The following ALG8 variants were observed in gnomAD, a reference collection of about 807,000 sequenced individuals.
ALG8 encodes dolichyl pyrophosphate Glc1Man9GlcNAc2 alpha-1,3-glucosyltransferase.
Under a neutral mutation model 70.2 loss-of-function variants are expected in ALG8, and 48 were observed. The ratio of observed to expected loss-of-function variants is 0.68; its 90% confidence interval spans 0.54 to 0.87. The LOEUF is 0.87. ALG8 is among the 40% of genes least tolerant of loss of function. The pLI is 0.00. For synonymous variants in ALG8, 234 were observed against 229.0 expected (o/e 1.02, Z -0.20); for missense variants, 572 against 608.7 (o/e 0.94, Z 0.64).
chr11:78,115,934 G>A (rs1355657546), intron 5 of ALG8, among the ~76,000 whole-genome samples: 2 of 152,150 alleles, frequency 1.3e-5, no homozygotes, highest in African/African-American at 4.8e-5. Flanking sequence ...AGGATGCTAT[G>A]CTACCAAAAA....
intron 4 of ALG8, among the ~76,000 whole-genome samples, 179 bp from the exon 5 acceptor site, chr11:78,119,428 A>ATTT (rs768598740): frequency 4.5e-5 from 4 of 88,694 alleles, no homozygotes; most frequent in African/African-American, 1.3e-4. Flanking sequence ...TTTTTTTTTA[A>ATTT]TTTTTTTTTT....
At chr11:78,114,021 A>C in intron 6 of ALG8, 32 bp from the exon 7 acceptor site, 1 of 1,547,056 alleles carries the variant, frequency 6.5e-7, no homozygotes, top group African/African-American at 1.4e-5. Flanking sequence ...AGTAACCAGG[A>C]AGATGGAAAG....
In ALG8 at chr11:78,113,993, C is replaced by T. The variant is rs1386622924; in HGVS notation, c.674-4G>A. 5.6e-6 allele frequency: 9 copies of T among 1,594,914 alleles called. No homozygotes were observed. The East Asian group carries it at 1.6e-4, about 28-fold the overall frequency. On this transcript the variant is annotated splice_region_variant and splice_polypyrimidine_tract_variant and intron_variant, in intron 6 of 12. Coordinates refer to ENST00000299626, the MANE Select transcript of ALG8 (RefSeq NM_024079.5). ...CTCTTCCATCGAATAGACCCATCTA[C>T]AGAAAAGGAACATTATCAGTAACCA...
At chr11:78,137,059 G>A (rs895658416) in intron 1 of ALG8, among the ~76,000 whole-genome samples, 87 of 152,186 alleles carry the variant, frequency 5.7e-4, no homozygotes, top group African/African-American at 1.8e-3. Flanking sequence ...GCTCCACCAC[G>A]CCCAGCTAAT....
In ALG8 at chr11:78,104,376, G is replaced by C; in HGVS notation, c.1256C>G (p.Pro419Arg). 2.5e-6 allele frequency: 4 copies of C among 1,596,906 alleles called. No homozygotes were observed. The highest frequency in any genetic ancestry group is 3.4e-6 in the Non-Finnish European group (4 of 1,171,500). ...TTTACCTGGTGCAGTGAAGAGCAGA[G>C]GAAAGAGGGAATAATGTCCTGTTGT... ...LTTTGHYSLF[P>R]LLFTAPELPI... The change falls in exon 11 of 13, where the codon CCT (proline) becomes CGT (arginine). Residue 419 changes from proline to arginine, a missense_variant. Pro to Arg is a moderately radical substitution (Grantham distance 103). Transcript: ENST00000299626.
intron 3 of ALG8, among the ~76,000 whole-genome samples, chr11:78,123,315 G>GAAAAAAAAAAAAAAAAAAAA (rs1220218900): frequency 7.9e-5 from 7 of 88,516 alleles, no homozygotes; most frequent in African/African-American, 1.0e-4. Context: ...GGAAAAAAAA[G>GAAAAAAAAAAAAAAAAAAAA]AAAAAAAAAA....
chr11:78,119,127 A>T, intron 5 of ALG8, 55 bp downstream of exon 5: 1 of 1,402,640 alleles, frequency 7.1e-7, no homozygotes, highest in Non-Finnish European at 1.0e-6. Context: ...TGTTCCCTTT[A>T]CAATCTAAAA....
intron 1 of ALG8, 62 bp from the exon 2 acceptor site, chr11:78,127,498 C>A (rs2136933279): frequency 1.4e-6 from 2 of 1,417,246 alleles, no homozygotes; most frequent in East Asian, 4.7e-5. Context: ...TTCTAATTCC[C>A]ATAGTTATGC....
chr11:78,130,988 G>A (rs925580532), intron 1 of ALG8, among the ~76,000 whole-genome samples: 1 of 151,974 alleles, frequency 6.6e-6, no homozygotes, highest in African/African-American at 2.4e-5. Context: ...ATCTGTTCTT[G>A]TTTTATAGAC....
intron 2 of ALG8, 23 bp from the exon 3 acceptor site, chr11:78,124,237 G>C (rs1362288415): frequency 2.5e-6 from 4 of 1,606,746 alleles, no homozygotes; most frequent in Non-Finnish European, 3.4e-6. Flanking sequence ...TAGAAGATCA[G>C]ACATATCCTA....
intron 1 of ALG8, chr11:78,138,645 A>G: frequency 2.2e-6 from 1 of 449,118 alleles, no homozygotes; most frequent in Admixed American, 2.4e-5. Context: ...ATGAGGGAGA[A>G]AAAGAAAAAA....
In ALG8 at chr11:78,119,206, T is replaced by C; in HGVS notation, c.522A>G (p.Leu174=). The C allele has an allele frequency of 1.2e-6, 2 of 1,611,586 alleles. No homozygotes were observed. Among genetic ancestry groups the C allele is most frequent in the East Asian group, 2.2e-5 (1 of 44,766 alleles). Residue 174 remains leucine (L), a synonymous_variant, in exon 5 of 13, where the codon CTA becomes CTG. Transcript: ENST00000299626. ...CCTGAAATAATCGTGCAATGGAGAG[T>C]AGCATTAATCCAAATAAAAAGCCAT... The part of the protein sequence containing the change: ...QYNGFLFGLM[L]LSIARLFQKR...
In ALG8 at chr11:78,104,420, CGAA is replaced by C. The variant is rs1414362188; in HGVS notation, c.1209_1211del (p.Ser404del). ...CTGTTGTGGTCAGAATCAGAAAAAT[CGAA>C]GCGTCTCCTGCTTTTCCCACAGACA... On this transcript the variant is annotated inframe_deletion, in exon 11 of 13. Transcript: ENST00000299626. The C allele has an allele frequency of 1.3e-6, 2 of 1,596,244 alleles. No individual in the cohort carries two copies. Among genetic ancestry groups the C allele is most frequent in the Non-Finnish European group, 1.7e-6 (2 of 1,171,136 alleles).
intron 1 of ALG8, among the ~76,000 whole-genome samples, chr11:78,131,391 T>C (rs897820623): frequency 2.6e-5 from 4 of 152,050 alleles, no homozygotes; most frequent in African/African-American, 9.7e-5. Context: ...TAGCTTGAGG[T>C]TGGAAGTTCA....
At chr11:78,124,517 A>C (rs900406001) in intron 2 of ALG8, among the ~76,000 whole-genome samples, 2 of 152,226 alleles carry the variant, frequency 1.3e-5, no homozygotes, top group African/African-American at 4.8e-5. Context: ...TAATAGAACA[A>C]TTCCTATGTA....
chr11:78,105,749 C>T (rs1274917129), intron 10 of ALG8, among the ~76,000 whole-genome samples: 1 of 151,570 alleles, frequency 6.6e-6, no homozygotes, highest in Admixed American at 6.6e-5. Flanking sequence ...ACTCTATTGC[C>T]CCAGGCTGGA....
At chr11:78,134,660 T>C (rs1489922164) in intron 1 of ALG8, among the ~76,000 whole-genome samples, 1 of 152,234 alleles carries the variant, frequency 6.6e-6, no homozygotes, top group African/African-American at 2.4e-5. Flanking sequence ...TCAACAATAT[T>C]CACAGCATCT....
chr11:78,122,193 G>A (rs1276503314), intron 3 of ALG8, among the ~76,000 whole-genome samples: 1 of 152,082 alleles, frequency 6.6e-6, no homozygotes, highest in Non-Finnish European at 1.5e-5. Flanking sequence ...CAATTAAAGG[G>A]GGACTAGCAA....
At chr11:78,139,244 G>C in intron 1 of ALG8, 1 of 537,736 alleles carries the variant, frequency 1.9e-6, no homozygotes, top group African/African-American at 1.9e-5. Flanking sequence ...TGCCTATTAA[G>C]GATGAGGACC....
Sources: allele counts gnomAD v4.1 joint callset (sites outside exome capture counted in the v4.1 genomes callset), GRCh38; gene constraint gnomAD v4.1.1; transcripts MANE v1.5; gene names NCBI Gene and HGNC (gene_info 2026-07-23, HGNC 2026-07-21).